The following SKAP1 variants were observed in gnomAD, a reference collection of about 807,000 sequenced individuals.
SKAP1 encodes src kinase-associated phosphoprotein 1.
SKAP1 carries 44 observed loss-of-function variants against 58.5 expected under a neutral mutation model. That is an observed-to-expected ratio of 0.75 (90% confidence interval 0.59 to 0.97). The LOEUF is 0.97. Among genes scored for constraint, SKAP1 ranks in the 50% least tolerant of loss-of-function variants. SKAP1 has a pLI of 0.00. For synonymous variants in SKAP1, 127 were observed against 149.7 expected (o/e 0.85, Z 1.11); for missense variants, 390 against 435.2 (o/e 0.90, Z 0.92).
At chr17:48,158,155 C>T (rs1207002347) in intron 11 of SKAP1, among the ~76,000 whole-genome samples, 1 of 121,342 alleles carries the variant, frequency 8.2e-6, no homozygotes, top group Non-Finnish European at 1.6e-5. Flanking sequence ...CCAGCCTGGG[C>T]AACGAGAGCA....
intron 4 of SKAP1, among the ~76,000 whole-genome samples, chr17:48,205,019 CTTTCTTTCTTTCTTTCTT>C (rs1567819957): frequency 0.049 from 2,038 of 41,772 alleles, 26 homozygotes; most frequent in Admixed American, 0.067. Flanking sequence ...CTTTCTTTTT[CTTTCTTTCTTTCTTTCTT>C]TCTCTCTCTC....
chr17:48,414,663 A>G lies in SKAP1; in HGVS notation c.46+15412T>C, dbSNP rs535301663. On this transcript the variant is annotated intron_variant, in intron 1 of 12. Transcript: ENST00000336915. ...TAGCTTATAGGTATCTATGTCAGCA[A>G]GTCAGGGTAGGAAAAGCAAACAGGA... Among the ~76,000 whole-genome samples the G allele has an allele frequency of 4.6e-5, 7 of 152,280 alleles. No individual in the cohort carries two copies. In the East Asian group the frequency reaches 1.3e-3, roughly 29 times the overall value.
At chr17:48,162,690 G>A in intron 10 of SKAP1, 121 bp from the exon 11 acceptor site, 1 of 660,294 alleles carries the variant, frequency 1.5e-6, no homozygotes. Context: ...CAGATTAAGG[G>A]GAGTTGAGAT....
chr17:48,336,070 T>C (rs2144287152), intron 4 of SKAP1, among the ~76,000 whole-genome samples: 1 of 152,258 alleles, frequency 6.6e-6, no homozygotes, highest in South Asian at 2.1e-4. Context: ...TAGTATTTCC[T>C]TTTACCACGA....
At chr17:48,134,421 CA>C (rs2063673645) in intron 12 of SKAP1, among the ~76,000 whole-genome samples, 1 of 151,378 alleles carries the variant, frequency 6.6e-6, no homozygotes, top group African/African-American at 2.4e-5. Context: ...TGGATTCAAG[CA>C]ATTCTCCTGC....
At chr17:48,331,303 A>G (rs1450163508) in intron 4 of SKAP1, among the ~76,000 whole-genome samples, 1 of 152,252 alleles carries the variant, frequency 6.6e-6, no homozygotes, top group Non-Finnish European at 1.5e-5. Context: ...TTGGCAGAAT[A>G]TATAGACACA....
chr17:48,290,108 G>C (rs1027998221), intron 4 of SKAP1, among the ~76,000 whole-genome samples: 2 of 152,058 alleles, frequency 1.3e-5, no homozygotes, highest in Admixed American at 1.3e-4. Context: ...TTAGATACTT[G>C]AAAAATCTGT....
chr17:48,369,908 A>G (rs1385716027), intron 2 of SKAP1, among the ~76,000 whole-genome samples: 1 of 152,220 alleles, frequency 6.6e-6, no homozygotes, highest in Non-Finnish European at 1.5e-5. Context: ...AAATTAACTG[A>G]GTCTTTCTCT....
chr17:48,327,253 C>T (rs957705933), intron 4 of SKAP1, among the ~76,000 whole-genome samples: 4 of 152,168 alleles, frequency 2.6e-5, no homozygotes, highest in African/African-American at 9.7e-5. Flanking sequence ...AGGATCAACA[C>T]ACTAAAGAGC....
chr17:48,418,595 T>TA (rs1344863938), intron 1 of SKAP1, among the ~76,000 whole-genome samples: 1 of 152,196 alleles, frequency 6.6e-6, no homozygotes, highest in African/African-American at 2.4e-5. Flanking sequence ...CACTCCTAGA[T>TA]ATATTTATCC....
At chr17:48,311,123 C>G (rs1395370370) in intron 4 of SKAP1, among the ~76,000 whole-genome samples, 5 of 152,092 alleles carry the variant, frequency 3.3e-5, no homozygotes, top group African/African-American at 1.2e-4. Context: ...TGCATACAGG[C>G]GGAGTCTCAC....
chr17:48,274,417 C>A (rs1169409853), intron 4 of SKAP1, among the ~76,000 whole-genome samples: 1 of 151,634 alleles, frequency 6.6e-6, no homozygotes, highest in Non-Finnish European at 1.5e-5. Context: ...TTTTTTTTGG[C>A]CGGGCATGGT....
chr17:48,134,598 G>A (rs2063676016), intron 12 of SKAP1, among the ~76,000 whole-genome samples: 1 of 152,086 alleles, frequency 6.6e-6, no homozygotes, highest in African/African-American at 2.4e-5. Context: ...TTACAGGCGT[G>A]AGCCACTGCG....
intron 1 of SKAP1, among the ~76,000 whole-genome samples, chr17:48,421,464 T>C (rs2067792892): frequency 6.6e-6 from 1 of 151,920 alleles, no homozygotes; most frequent in Non-Finnish European, 1.5e-5. Context: ...CCACCATACC[T>C]GGATAATTTT....
intron 6 of SKAP1, chr17:48,185,789 C>T (rs1029001257): frequency 6.6e-6 from 1 of 152,434 alleles, no homozygotes; most frequent in Non-Finnish European, 1.5e-5. Flanking sequence ...ACTATTCTTA[C>T]TAAGAAAATG....
rs558485127 is a variant in SKAP1, at chr17:48,329,264, A to G, written c.280+16641T>C. ...TTAATACTGGACTTAAAAGATAACTATAAGAAATTATATAAGTGCCTAGCA... is the reference window on the plus strand; with the variant it reads ...TTAATACTGGACTTAAAAGATAACTGTAAGAAATTATATAAGTGCCTAGCA... On this transcript the variant is annotated intron_variant, in intron 4 of 12. Coordinates refer to ENST00000336915, the MANE Select transcript of SKAP1 (RefSeq NM_003726.4). Among the ~76,000 whole-genome samples the G allele has an allele frequency of 1.9e-4, 29 of 152,316 alleles. 1 individual carries two copies. The South Asian group carries it at 5.4e-3, about 28-fold the overall frequency.
chr17:48,316,059 C>T (rs544491632), intron 4 of SKAP1, among the ~76,000 whole-genome samples: 8 of 152,294 alleles, frequency 5.3e-5, no homozygotes, highest in African/African-American at 7.2e-5. Flanking sequence ...AGTCTCTCCC[C>T]TCTTCCACTC....
At chr17:48,165,017 T>A (rs369392634) in intron 10 of SKAP1, among the ~76,000 whole-genome samples, 1 of 152,240 alleles carries the variant, frequency 6.6e-6, no homozygotes, top group African/African-American at 2.4e-5. Context: ...GAATCCCACA[T>A]TGGCCACACA....
intron 4 of SKAP1, among the ~76,000 whole-genome samples, chr17:48,335,974 G>T (rs113068826): frequency 1.3e-5 from 2 of 152,006 alleles, no homozygotes; most frequent in East Asian, 3.9e-4. Context: ...AATTCACTAC[G>T]TAAGCTCACA....
Sources: allele counts gnomAD v4.1 joint callset (sites outside exome capture counted in the v4.1 genomes callset), GRCh38; gene constraint gnomAD v4.1.1; transcripts MANE v1.5; gene names NCBI Gene and HGNC (gene_info 2026-07-23, HGNC 2026-07-21).